The following LTN1 variants were observed in gnomAD, a reference collection of about 807,000 sequenced individuals.
The protein encoded by LTN1 is listerin E3 ubiquitin protein ligase 1.
Under a neutral mutation model 201.2 loss-of-function variants are expected in LTN1, and 88 were observed. The ratio of observed to expected loss-of-function variants is 0.44; its 90% CI spans 0.37 to 0.52. LTN1 has a LOEUF of 0.52. Among genes scored for constraint, LTN1 ranks in the 20% least tolerant of loss-of-function variants. The pLI is 0.00. For missense variants in LTN1, 1,752 were observed against 2,038.7 expected, an observed-to-expected ratio of 0.86 and a Z score of 2.71; for synonymous variants, 645 against 713.5, an observed-to-expected ratio of 0.90 and a Z score of 1.53.
chr21:28,934,565 T>G (rs1197142727), intron 27 of LTN1, among the ~76,000 whole-genome samples: 1 of 151,358 alleles, frequency 6.6e-6, no homozygotes, highest in Non-Finnish European at 1.5e-5. Context: ...CCTTCCGCCA[T>G]GATTGTAAGT....
intron 3 of LTN1, 136 bp from the exon 4 acceptor site, chr21:28,985,058 AT>A: frequency 1.7e-6 from 1 of 596,546 alleles, no homozygotes; most frequent in Non-Finnish European, 2.9e-6. Flanking sequence ...TTTTTTTTAA[AT>A]CAATAATTTG....
chr21:28,943,481 T>C (rs1450920263), intron 23 of LTN1, 145 bp from the exon 24 acceptor site: 14 of 683,044 alleles, frequency 2.0e-5, no homozygotes, highest in Admixed American at 1.2e-4. Flanking sequence ...GCCAGGACTA[T>C]TGAAATATAA....
intron 12 of LTN1, among the ~76,000 whole-genome samples, chr21:28,960,040 A>G (rs1160512777): frequency 6.6e-6 from 1 of 152,058 alleles, no homozygotes; most frequent in Non-Finnish European, 1.5e-5. Flanking sequence ...TGGTATGAAG[A>G]TTAATAAACA....
At chr21:28,958,305 C>T in intron 14 of LTN1, 81 bp downstream of exon 14, 1 of 1,353,240 alleles carries the variant, frequency 7.4e-7, no homozygotes, top group African/African-American at 1.5e-5. Context: ...TTCATAGGCA[C>T]TCACACTGAT....
rs2084187230 is a variant in LTN1, at chr21:28,928,573, T to C, written c.*1875A>G. 6.8e-6 allele frequency: 1 copy of C among 146,802 alleles called. No individual in the cohort carries two copies. Among genetic ancestry groups the C allele is most frequent in the Admixed American group, 6.9e-5 (1 of 14,560 alleles). 9.1% of individuals were successfully genotyped at this position (146,802 alleles called of 1,614,324 possible). A position where few individuals can be genotyped will look rare whatever the true frequency, so the allele number is the denominator to read the frequency against. On this transcript the variant is annotated 3_prime_UTR_variant, in exon 30 of 30. Coordinates refer to ENST00000361371, the MANE Select transcript of LTN1 (RefSeq NM_015565.3). The stretch of plus-strand genomic sequence containing the variant: ...ACAGATGTGGTATTCTGAATTTCAG[T>C]CTTATCTTGTAAAGCTTTTTCTTTA...
intron 11 of LTN1, chr21:28,964,436 TTAAGA>T (rs2084504353): frequency 2.8e-6 from 2 of 708,452 alleles, no homozygotes; most frequent in Non-Finnish European, 2.1e-6. Context: ...TAATTTTAAA[TTAAGA>T]TATGTACATT....
rs267606093 is a variant in LTN1 at position 28,969,560 on chromosome 21, G to A, written c.1217C>T (p.Ser406Leu). The A allele has an allele frequency of 6.8e-6, 11 of 1,611,192 alleles. No individual in the cohort carries two copies. Among genetic ancestry groups the A allele is most frequent in the African/African-American group, 2.7e-5 (2 of 74,740 alleles). The stretch of plus-strand genomic sequence containing the variant: ...TTCAAAAAAAGCAGATATTACTGCC[G>A]AGGACTCTAAAGAGCTGGTTTTAGT... Reference protein sequence around the residue: ...ERTKTSSLESSAVISAFFECL... With the variant: ...ERTKTSSLESLAVISAFFECL... Residue 406 changes from serine (S) to leucine (L), a missense_variant, in exon 9 of 30, where the codon TCG (serine) becomes TTG (leucine). Ser to Leu is a moderately radical substitution (Grantham distance 145). Transcript: ENST00000361371.
intron 4 of LTN1, 89 bp from the exon 5 acceptor site, chr21:28,982,457 T>C (rs537173372): frequency 6.9e-5 from 66 of 958,988 alleles, no homozygotes; most frequent in Non-Finnish European, 9.9e-5. Context: ...ATCCACTTTT[T>C]AAAAATCCCC....
chr21:28,951,853 C>A (rs976934417), intron 18 of LTN1, among the ~76,000 whole-genome samples: 2 of 151,874 alleles, frequency 1.3e-5, no homozygotes, highest in Admixed American at 1.3e-4. Flanking sequence ...ACCTGTGGTC[C>A]CAGTTACTCA....
rs1601180026 is a variant in LTN1 at position 28,952,178 on chromosome 21, T to C, written c.3326A>G (p.His1109Arg). 6.3e-7 allele frequency: 1 copy of C among 1,597,930 alleles called. No individual in the cohort carries two copies. Among genetic ancestry groups the C allele is most frequent in the East Asian group, 2.2e-5 (1 of 44,704 alleles). The change falls in exon 18 of 30, where the codon CAT becomes CGT. Residue 1109 changes from histidine to arginine, a missense_variant. By Grantham distance (29) the His-to-Arg change is conservative (BLOSUM62 0). This residue lies in a region of LTN1 where 1,211 missense variants were observed against 1,312.8 expected (regional missense o/e 0.92). Coordinates refer to ENST00000361371, the MANE Select transcript of LTN1 (RefSeq NM_015565.3). ...RSISSDEVKPHYKRKESFFPL... is the reference protein window; with the variant it reads ...RSISSDEVKPRYKRKESFFPL... ...AGAATACCTTTCTTTTCTCTTATAA[T>C]GTGGTTTTACTTCATCAGATGAAAT...
At chr21:28,937,743 T>C (rs1316889413) in intron 25 of LTN1, among the ~76,000 whole-genome samples, 1 of 152,154 alleles carries the variant, frequency 6.6e-6, no homozygotes, top group Non-Finnish European at 1.5e-5. Context: ...GAAATGCTCC[T>C]GGAGCATTTC....
intron 25 of LTN1, among the ~76,000 whole-genome samples, chr21:28,938,897 G>A (rs1472766453): frequency 6.6e-6 from 1 of 152,160 alleles, no homozygotes; most frequent in African/African-American, 2.4e-5. Context: ...GCTGTCAGGA[G>A]CTGCGGGGTT....
At position 28,928,446 on chromosome 21, in the gene LTN1, G is replaced by A. The variant is rs1029905358; in HGVS notation, c.*2002C>T. The stretch of plus-strand genomic sequence containing the variant: ...TTTTAAAATTTGCAATTTACTTTGG[G>A]GTTTTAAATTAATAATTTTGCTAAT... On this transcript the variant is annotated 3_prime_UTR_variant, in exon 30 of 30. Coordinates refer to ENST00000361371, the MANE Select transcript of LTN1 (RefSeq NM_015565.3). 1 of 151,972 alleles carries A rather than the reference G, an allele frequency of 6.6e-6. No homozygotes were observed. Among genetic ancestry groups the A allele is most frequent in the Non-Finnish European group, 1.5e-5 (1 of 67,980 alleles). 9.4% of individuals were successfully genotyped at this position (151,972 alleles called of 1,614,324 possible). A position where few individuals can be genotyped will look rare whatever the true frequency, so the allele number is the denominator to read the frequency against.
At chr21:28,964,684 GC>G in intron 11 of LTN1, 1 of 1,550,440 alleles carries the variant, frequency 6.4e-7, no homozygotes, top group Non-Finnish European at 8.7e-7. Context: ...GCAAACACTG[GC>G]TAGGAACTTC....
intron 11 of LTN1, 45 bp from the exon 12 acceptor site, chr21:28,960,751 ACT>A (rs757183409): frequency 1.5e-6 from 2 of 1,324,312 alleles, no homozygotes; most frequent in Non-Finnish European, 2.1e-6. Context: ...AAGATCAAAT[ACT>A]CTCTCTGTCC....
chr21:28,965,817 T>C (rs2084516591), intron 11 of LTN1, 48 bp downstream of exon 11: 1 of 1,062,978 alleles, frequency 9.4e-7, no homozygotes, highest in Non-Finnish European at 1.4e-6. Context: ...ATAATATTTC[T>C]ATTCCCATAA....
chr21:28,944,698 T>A, intron 21 of LTN1, 102 bp from the exon 22 acceptor site: 1 of 852,420 alleles, frequency 1.2e-6, no homozygotes, highest in Non-Finnish European at 1.8e-6. Context: ...CTTTGAATTT[T>A]AAAACGAAAA....
At position 28,947,496 on chromosome 21, in the gene LTN1, CCCAAA is replaced by C; in HGVS notation, c.3450_3454del (p.Gly1152AspfsTer2). Reference sequence around the variant, plus strand: ...GCTGCAAAGATCTTTCTTAGTCCAGCCCAAAAGAGCAGGTATACATTGAGCACTAA... The same window carrying C: ...GCTGCAAAGATCTTTCTTAGTCCAGCAGAGCAGGTATACATTGAGCACTAA... On this transcript the variant is annotated frameshift_variant, in exon 19 of 30. Coordinates refer to ENST00000361371, the MANE Select transcript of LTN1 (RefSeq NM_015565.3). LOFTEE classifies it high-confidence loss of function. 1.9e-6 allele frequency: 3 copies of C among 1,556,172 alleles called. No homozygotes were observed. The highest frequency in any genetic ancestry group is 8.7e-7 in the Non-Finnish European group (1 of 1,155,156).
rs2084438904 is a variant in LTN1, at chr21:28,957,809, T to C, written c.2748-333A>G. On this transcript the variant is annotated intron_variant, in intron 14 of 29. Coordinates refer to ENST00000361371, the MANE Select transcript of LTN1 (RefSeq NM_015565.3). ...CTAAACCCAATATCCTCTAAATGCA[T>C]TCTCTCTTCTCCTTTATTATATGGA... Among the ~76,000 whole-genome samples, 3 of 152,194 alleles carry C rather than the reference T, an allele frequency of 2.0e-5. No homozygotes were observed. In the South Asian group the frequency reaches 6.2e-4, roughly 31 times the overall value.
Sources: gnomAD v4.1 joint callset for allele counts (sites outside exome capture counted in the v4.1 genomes callset) on GRCh38, gnomAD v4.1.1 for gene constraint, gnomAD v4.1.1 regional missense constraint, MANE v1.5 for transcripts, NCBI Gene and HGNC (gene_info 2026-07-23, HGNC 2026-07-21) for gene names.